The following PCDHGB5 variants were observed in gnomAD, a reference collection of about 807,000 sequenced individuals.
PCDHGB5 encodes protocadherin gamma-B5.
Under a neutral mutation model 62.9 loss-of-function variants are expected in PCDHGB5, and 48 were observed. The observed-to-expected ratio is 0.76, with a 90% CI of 0.61 to 0.97. The LOEUF is 0.97. PCDHGB5 is among the 50% of genes least tolerant of loss of function. The probability of loss-of-function intolerance (pLI) is 0.00; values close to 1 mark genes in which losing one functional copy is unlikely to be tolerated. For missense variants in PCDHGB5, 1,118 were observed against 1,198.6 expected, an observed-to-expected ratio of 0.93 and a Z score of 0.99; for synonymous variants, 474 against 511.2, an observed-to-expected ratio of 0.93 and a Z score of 0.98.
intron 1 of PCDHGB5, chr5:141,404,364 T>A (rs1353392173): frequency 2.5e-6 from 4 of 1,613,962 alleles, no homozygotes; most frequent in Non-Finnish European, 3.4e-6. Context: ...GGTACTTCCA[T>A]CTTCTCCGTG....
Position 141,405,029 on chromosome 5 carries a change from C to G in PCDHGB5, c.2397+4505C>G, listed in dbSNP as rs565871444. 16 of 1,613,976 alleles carry G rather than the reference C, an allele frequency of 9.9e-6. No individual in the cohort carries two copies. The Admixed American group carries it at 1.0e-4, about 10-fold the overall frequency. On this transcript the variant is annotated intron_variant, in intron 1 of 3. Coordinates refer to ENST00000617380, the MANE Select transcript of PCDHGB5 (RefSeq NM_018925.3). ...GGAGGCCTCAGACCTTACCCTCTAC[C>G]TCGTTGTGGCTGTGGCAGTCGTCTC...
intron 1 of PCDHGB5, among the ~76,000 whole-genome samples, chr5:141,492,336 A>G (rs1353947767): frequency 1.3e-5 from 2 of 152,072 alleles, no homozygotes; most frequent in East Asian, 3.9e-4. Context: ...TTACGCGAAT[A>G]CCAGCTTTCA....
chr5:141,413,194 C>T lies in PCDHGB5; in HGVS notation c.2397+12670C>T, dbSNP rs749749411. ...GACTACAATGGCCGCTCAAAGGAAT[C>T]GCTCAAAGGAATCAAAGGATTGCAG... On this transcript the variant is annotated intron_variant, in intron 1 of 3. Coordinates refer to ENST00000617380, the MANE Select transcript of PCDHGB5 (RefSeq NM_018925.3). 5.3e-5 allele frequency: 85 copies of T among 1,607,784 alleles called. No individual in the cohort carries two copies. Among genetic ancestry groups the T allele is most frequent in the Non-Finnish European group, 7.0e-5 (82 of 1,176,492 alleles).
intron 2 of PCDHGB5, among the ~76,000 whole-genome samples, chr5:141,501,333 A>ACACC (rs1186649373): frequency 5.5e-4 from 77 of 140,128 alleles, no homozygotes; most frequent in African/African-American, 6.0e-4. Context: ...ACACACACAC[A>ACACC]CCCCAAACTC....
At chr5:141,404,347 C>T (rs1451476815) in intron 1 of PCDHGB5, 6 of 1,613,796 alleles carry the variant, frequency 3.7e-6, no homozygotes, top group African/African-American at 2.7e-5. Context: ...CGGAAAACAA[C>T]GCCAGAGGTA....
intron 1 of PCDHGB5, chr5:141,427,785 TC>T: frequency 6.8e-7 from 1 of 1,470,156 alleles, no homozygotes; most frequent in Non-Finnish European, 9.4e-7. Flanking sequence ...GGCACTGTCG[TC>T]CTACGTGTCC....
At chr5:141,469,044 A>C (rs1247890388) in intron 1 of PCDHGB5, among the ~76,000 whole-genome samples, 1 of 152,128 alleles carries the variant, frequency 6.6e-6, no homozygotes, top group East Asian at 1.9e-4. Context: ...TGGGAGGCCA[A>C]GGTGGGAGGA....
At chr5:141,459,236 G>A (rs1248794102) in intron 1 of PCDHGB5, among the ~76,000 whole-genome samples, 2 of 152,176 alleles carry the variant, frequency 1.3e-5, no homozygotes, top group African/African-American at 2.4e-5. Context: ...CAACTGGTCT[G>A]CTTCCTGTCA....
chr5:141,465,171 G>T (rs969390966), intron 1 of PCDHGB5, among the ~76,000 whole-genome samples: 1 of 151,728 alleles, frequency 6.6e-6, no homozygotes, highest in Non-Finnish European at 1.5e-5. Flanking sequence ...TGTTTATGAA[G>T]AAATTTAATT....
Position 141,399,465 on chromosome 5 carries a change from G to A in PCDHGB5, c.1338G>A (p.Pro446=). ...LHIRDVNDNA[P]VFHQASYLVS... ...TCAGAGACGTCAACGATAACGCTCCGGTTTTCCACCAGGCGTCCTACTTAG... is the reference window on the plus strand; with the variant it reads ...TCAGAGACGTCAACGATAACGCTCCAGTTTTCCACCAGGCGTCCTACTTAG... The change falls in exon 1 of 4, where the codon CCG becomes CCA. Residue 446 remains proline (P), a synonymous_variant. Coordinates refer to ENST00000617380, the MANE Select transcript of PCDHGB5 (RefSeq NM_018925.3). 1 of 1,614,014 alleles carries A rather than the reference G, an allele frequency of 6.2e-7. No individual in the cohort carries two copies. Among genetic ancestry groups the A allele is most frequent in the Non-Finnish European group, 8.5e-7 (1 of 1,179,898 alleles).
intron 1 of PCDHGB5, chr5:141,409,337 A>T: frequency 6.2e-7 from 1 of 1,614,012 alleles, no homozygotes; most frequent in Non-Finnish European, 8.5e-7. Flanking sequence ...TTTCGGAGGA[A>T]ATGGAGAAGT....
In PCDHGB5 at chr5:141,415,753, T is replaced by G. The variant is rs763784703; in HGVS notation, c.2397+15229T>G. On this transcript the variant is annotated intron_variant, in intron 1 of 3. Transcript: ENST00000617380. The stretch of plus-strand genomic sequence containing the variant: ...ATGTTTATTAAGGTTTTTTTTTTTT[T>G]TTTTTTTTTTTTTTTTTTTACTTTC... 6.3e-5 allele frequency: 87 copies of G among 1,381,374 alleles called. 1 individual carries two copies. The highest frequency in any genetic ancestry group is 3.3e-4 in the Admixed American group (10 of 29,906). 85.6% of individuals were successfully genotyped at this position (1,381,374 alleles called of 1,614,324 possible).
At chr5:141,430,327 T>C (rs1250968800) in intron 1 of PCDHGB5, among the ~76,000 whole-genome samples, 7 of 152,042 alleles carry the variant, frequency 4.6e-5, no homozygotes, top group Non-Finnish European at 1.5e-5. Context: ...AAAATCATTG[T>C]TTATAGAAAC....
chr5:141,431,709 T>A lies in PCDHGB5; in HGVS notation c.2397+31185T>A. 6.2e-7 allele frequency: 1 copy of A among 1,614,168 alleles called. No individual in the cohort carries two copies. Among genetic ancestry groups the A allele is most frequent in the Non-Finnish European group, 8.5e-7 (1 of 1,180,018 alleles). ...CACGAGGAGTCAGGATTCTACCAGA[T>A]GGAAGTGCAAGCAATGGATAATGCA... On this transcript the variant is annotated intron_variant, in intron 1 of 3. Coordinates refer to ENST00000617380, the MANE Select transcript of PCDHGB5 (RefSeq NM_018925.3). This position sits in a 1 kb window ranked among gnomAD's most constrained non-coding sequence, Gnocchi z 4.8.
rs776975666 is a variant in PCDHGB5 at position 141,432,850 on chromosome 5, G to A, written c.2397+32326G>A. The A allele has an allele frequency of 6.2e-7, 1 of 1,614,170 alleles. No homozygotes were observed. The highest frequency in any genetic ancestry group is 1.1e-5 in the South Asian group (1 of 91,088). ...TCACTCTGTACCTGGTGGTAGCGGT[G>A]GCCGCGGTCTCCTGCGTCTTCCTGG... is the stretch of plus-strand genomic sequence containing the variant. On this transcript the variant is annotated intron_variant, in intron 1 of 3. Coordinates refer to ENST00000617380, the MANE Select transcript of PCDHGB5 (RefSeq NM_018925.3). The surrounding 1 kb of genome is among the most constrained non-coding windows in gnomAD (Gnocchi z 6.0).
At chr5:141,413,561 A>G in intron 1 of PCDHGB5, 1 of 1,613,924 alleles carries the variant, frequency 6.2e-7, no homozygotes. Flanking sequence ...GAAGTAACTG[A>G]TATCAATGAC....
At chr5:141,462,121 T>A (rs977258025) in intron 1 of PCDHGB5, among the ~76,000 whole-genome samples, 2 of 151,730 alleles carry the variant, frequency 1.3e-5, no homozygotes, top group Non-Finnish European at 2.9e-5. Context: ...CTGCACCCAG[T>A]CCAATTTTTT....
chr5:141,404,466 TCTCTATTAA>T, intron 1 of PCDHGB5: 5 of 1,613,558 alleles, frequency 3.1e-6, no homozygotes, highest in Non-Finnish European at 4.2e-6. Context: ...TCCACCTATG[TCTCTATTAA>T]CTCAGACACT....
At chr5:141,408,723 C>G (rs1365936782) in intron 1 of PCDHGB5, 3 of 1,611,058 alleles carry the variant, frequency 1.9e-6, no homozygotes, top group Non-Finnish European at 2.5e-6. Flanking sequence ...AAGATAAACT[C>G]TAATCCTTAT....
Sources: allele counts gnomAD v4.1 joint callset (sites outside exome capture counted in the v4.1 genomes callset), GRCh38; gene constraint gnomAD v4.1.1; non-coding constraint Gnocchi (gnomAD v3.1); transcripts MANE v1.5; gene names NCBI Gene and HGNC (gene_info 2026-07-23, HGNC 2026-07-21).